SLC26A7: variants seen among roughly 807,000 people sequenced by gnomAD.
SLC26A7 encodes anion exchange transporter.
A neutral mutation model predicts 82.5 loss-of-function variants in SLC26A7; 59 were observed. The ratio of observed to expected loss-of-function variants is 0.72; its 90% CI spans 0.58 to 0.89. The LOEUF (loss-of-function observed/expected upper bound fraction) is 0.89, where lower values mean the gene tolerates loss of function less well. Among genes scored for constraint, SLC26A7 ranks in the 40% least tolerant of loss-of-function variants. The probability of loss-of-function intolerance (pLI) is 0.00; values close to 1 mark genes in which losing one functional copy is unlikely to be tolerated. For missense variants in SLC26A7, 820 were observed against 793.0 expected, an observed-to-expected ratio of 1.03 and a Z score of -0.41; for synonymous variants, 271 against 274.3, an observed-to-expected ratio of 0.99 and a Z score of 0.12.
rs1315137017 is a variant in SLC26A7 at position 91,234,827 on chromosome 8, ACTTC to A, written c.-33-14754_-33-14751del. ...TACCTACCTACCTACCTACCTACCT[ACTTC>A]CTTCCTTCCTTCCTTCCTTCCTTCC... On this transcript the variant is annotated intron_variant, in intron 2 of 5. Coordinates refer to the SLC26A7 transcript ENST00000522862. 9.0e-3 allele frequency among the ~76,000 whole-genome samples: 832 copies of A among 92,410 alleles called. 5 individuals carry two copies. Among genetic ancestry groups the A allele is most frequent in the Admixed American group, 0.013 (116 of 8,902 alleles). 60.6% of individuals were successfully genotyped at this position (92,410 alleles called of 152,430 possible). A position where few individuals can be genotyped will look rare whatever the true frequency, so the allele number is the denominator to read the frequency against.
In SLC26A7 at chr8:91,363,436, A is replaced by G. The variant is rs372515619; in HGVS notation, c.1422-36A>G. On this transcript the variant is annotated intron_variant, in intron 12 of 18. Coordinates refer to ENST00000276609, the MANE Select transcript of SLC26A7 (RefSeq NM_052832.4). ...TCATTGTTTATATAATGATTAGGAA[A>G]TGACTTGTTTTATTTTCTATCTGCT... 1.8e-5 allele frequency: 23 copies of G among 1,302,414 alleles called. No homozygotes were observed. In the Middle Eastern group the frequency reaches 9.5e-4, roughly 54 times the overall value. The allele number at this position is 1,302,414 out of a possible 1,614,324, so 80.7% of individuals were successfully genotyped here. A position where few individuals can be genotyped will look rare whatever the true frequency, so the allele number is the denominator to read the frequency against.
chr8:91,341,662 C>G (rs570654922), intron 8 of SLC26A7, among the ~76,000 whole-genome samples: 171 of 152,282 alleles, frequency 1.1e-3, no homozygotes, highest in Non-Finnish European at 2.0e-3. Context: ...CCATGTCTTT[C>G]TTTTACTCGA....
intron 4 of SLC26A7, among the ~76,000 whole-genome samples, chr8:91,312,626 T>G (rs1812519455): frequency 8.1e-6 from 1 of 123,492 alleles, no homozygotes; most frequent in Non-Finnish European, 1.7e-5. Context: ...TTTCTGTGTG[T>G]GTATGTAGGT....
intron 2 of SLC26A7, among the ~76,000 whole-genome samples, chr8:91,279,163 A>G (rs1008509176): frequency 2.2e-3 from 226 of 102,478 alleles, no homozygotes; most frequent in Admixed American, 8.1e-3. Context: ...ATATATATAT[A>G]TATGTATCAC....
At chr8:91,390,362 C>G (rs1362280153) in intron 16 of SLC26A7, among the ~76,000 whole-genome samples, 1 of 152,098 alleles carries the variant, frequency 6.6e-6, no homozygotes, top group African/African-American at 2.4e-5. Flanking sequence ...CGTGATCTAC[C>G]CGCCTTGGCC....
At chr8:91,228,049 A>G (rs1365125091) in intron 2 of SLC26A7, among the ~76,000 whole-genome samples, 2 of 152,220 alleles carry the variant, frequency 1.3e-5, no homozygotes, top group Non-Finnish European at 2.9e-5. Flanking sequence ...AAGGCTCCAA[A>G]TGGCATGAAG....
At chr8:91,353,023 T>TTTG in intron 11 of SLC26A7, 27 bp downstream of exon 11, 1 of 1,504,616 alleles carries the variant, frequency 6.6e-7, no homozygotes, top group Non-Finnish European at 9.2e-7. Flanking sequence ...CCTAAAACAA[T>TTTG]CCCTTTTTAG....
chr8:91,245,067 G>A (rs1259434716), upstream of SLC26A7, among the ~76,000 whole-genome samples: 1 of 152,170 alleles, frequency 6.6e-6, no homozygotes, highest in Non-Finnish European at 1.5e-5. Flanking sequence ...GTTCAGGACT[G>A]TAATTAACTT....
At chr8:91,293,347 G>A (rs1440757172) in intron 3 of SLC26A7, among the ~76,000 whole-genome samples, 1 of 152,230 alleles carries the variant, frequency 6.6e-6, no homozygotes, top group Non-Finnish European at 1.5e-5. Flanking sequence ...CAAAGATAGA[G>A]AATTAGTAGA....
intron 6 of SLC26A7, among the ~76,000 whole-genome samples, chr8:91,335,520 T>C (rs1319943445): frequency 6.6e-6 from 1 of 152,150 alleles, no homozygotes; most frequent in African/African-American, 2.4e-5. Context: ...TATTAAGAAA[T>C]ACTTATTATA....
intron 5 of SLC26A7, among the ~76,000 whole-genome samples, chr8:91,322,855 G>A (rs1044422084): frequency 6.6e-6 from 1 of 152,142 alleles, no homozygotes; most frequent in Non-Finnish European, 1.5e-5. Flanking sequence ...GAACTGGAAA[G>A]CAGTTTAATT....
intron 15 of SLC26A7, among the ~76,000 whole-genome samples, chr8:91,374,432 T>C (rs1334850581): frequency 3.9e-5 from 6 of 151,966 alleles, no homozygotes. Context: ...TGTATCTCTA[T>C]ACTGATTTGT....
chr8:91,378,767 C>T (rs1814589721), intron 15 of SLC26A7, among the ~76,000 whole-genome samples: 1 of 151,728 alleles, frequency 6.6e-6, no homozygotes, highest in South Asian at 2.1e-4. Flanking sequence ...AGGCAGGTTT[C>T]TGTCCAAAAT....
In SLC26A7 at chr8:91,213,521, A is replaced by G. The variant is rs994861269; in HGVS notation, c.-150+3979A>G. 4.5e-4 allele frequency among the ~76,000 whole-genome samples: 68 copies of G among 152,332 alleles called. 1 individual carries two copies. The highest frequency in any genetic ancestry group is 1.6e-3 in the African/African-American group (66 of 41,584). On this transcript the variant is annotated intron_variant, in intron 1 of 5. Coordinates refer to the SLC26A7 transcript ENST00000522862. ...TTTGAGGGCCTGCTTTAAGCAGGGA[A>G]CTGAATGCTAAGTACAATGCGAATA...
intron 2 of SLC26A7, among the ~76,000 whole-genome samples, chr8:91,224,881 C>G (rs1030100158): frequency 2.6e-5 from 4 of 152,154 alleles, no homozygotes; most frequent in Non-Finnish European, 5.9e-5. Context: ...GAGCCTCTGG[C>G]TGGAGTTATT....
At chr8:91,228,770 G>C (rs965021011) in intron 2 of SLC26A7, among the ~76,000 whole-genome samples, 2 of 152,110 alleles carry the variant, frequency 1.3e-5, no homozygotes, top group African/African-American at 2.4e-5. Context: ...GAAGAAACCA[G>C]GGGTTTCTTG....
chr8:91,249,396 T>C lies in SLC26A7; in HGVS notation c.-131T>C, dbSNP rs1810595722. 3.3e-6 allele frequency: 1 copy of C among 299,424 alleles called. No individual in the cohort carries two copies. Among genetic ancestry groups the C allele is most frequent in the East Asian group, 5.4e-5 (1 of 18,412 alleles). 18.5% of individuals were successfully genotyped at this position (299,424 alleles called of 1,614,324 possible). On this transcript the variant is annotated 5_prime_UTR_variant, in exon 1 of 19. Coordinates refer to ENST00000276609, the MANE Select transcript of SLC26A7 (RefSeq NM_052832.4). ...TTACATGAACAGGAACTACTTCTCC[T>C]TCAGATAAGAATTCAAGGTTTTAAT...
intron 15 of SLC26A7, among the ~76,000 whole-genome samples, chr8:91,386,604 C>A (rs28417533): frequency 0.17 from 25,987 of 152,034 alleles, 2,712 homozygotes; most frequent in African/African-American, 0.3. Flanking sequence ...TGATGATTTT[C>A]TTTATATTTA....
intron 2 of SLC26A7, among the ~76,000 whole-genome samples, chr8:91,283,904 T>C (rs1811642035): frequency 6.6e-6 from 1 of 152,196 alleles, no homozygotes; most frequent in South Asian, 2.1e-4. Context: ...TAAAATAAAT[T>C]TCTCAAATCC....
Sources: gnomAD v4.1 joint callset for allele counts (sites outside exome capture counted in the v4.1 genomes callset) on GRCh38, gnomAD v4.1.1 for gene constraint, MANE v1.5 for transcripts, NCBI Gene and HGNC (gene_info 2026-07-23, HGNC 2026-07-21) for gene names.